CFH: variants seen among roughly 807,000 people sequenced by gnomAD.
The protein encoded by CFH is H factor 1 (complement).
Under a neutral mutation model 147.3 loss-of-function variants are expected in CFH, and 53 were observed. The observed-to-expected ratio is 0.36, with a 90% CI of 0.29 to 0.45. The LOEUF is 0.45. CFH is among the 20% of genes least tolerant of loss of function. The probability of loss-of-function intolerance (pLI) is 1.00; values close to 1 mark genes in which losing one functional copy is unlikely to be tolerated. For missense variants in CFH, 1,380 were observed against 1,498.0 expected, an observed-to-expected ratio of 0.92 and a Z score of 1.30; for synonymous variants, 536 against 489.4, an observed-to-expected ratio of 1.10 and a Z score of -1.26.
chr1:196,722,570 A>C (rs1196093727), intron 11 of CFH, among the ~76,000 whole-genome samples: 1 of 152,132 alleles, frequency 6.6e-6, no homozygotes, highest in Non-Finnish European at 1.5e-5. Flanking sequence ...TGTTTGTAGA[A>C]GTTCATCTCG....
Position 196,713,850 on chromosome 1 carries a change from A to T in CFH, c.1452A>T (p.Ala484=). The T allele has an allele frequency of 6.2e-7, 1 of 1,612,896 alleles. No homozygotes were observed. Among genetic ancestry groups the T allele is most frequent in the Middle Eastern group, 1.7e-4 (1 of 6,048 alleles). ...KYQCKLGYVT[A]DGETSGSITC... is the part of the protein sequence containing the mutation. ...AATGCAAACTAGGATATGTAACAGCAGATGGTGAAACATCAGGATCAATTA... is the reference window on the plus strand; with the variant it reads ...AATGCAAACTAGGATATGTAACAGCTGATGGTGAAACATCAGGATCAATTA... Residue 484 remains alanine (A), a synonymous_variant, in exon 10 of 22, where the codon GCA becomes GCT. Coordinates refer to ENST00000367429, the MANE Select transcript of CFH (RefSeq NM_000186.4).
Position 196,677,715 on chromosome 1 carries a change from T to C in CFH, c.619+48T>C, listed in dbSNP as rs1306146642. 3 of 1,525,716 alleles carry C rather than the reference T, an allele frequency of 2.0e-6. No individual in the cohort carries two copies. In the African/African-American group the frequency reaches 4.1e-5, roughly 21 times the overall value. 94.5% of individuals were successfully genotyped at this position (1,525,716 alleles called of 1,614,324 possible). ...GTATTTTTAGCTTTTTAAATGTAAATATACATTTAAAACATCGTTCATTCT... is the reference window on the plus strand; with the variant it reads ...GTATTTTTAGCTTTTTAAATGTAAACATACATTTAAAACATCGTTCATTCT... On this transcript the variant is annotated intron_variant, in intron 5 of 21. Transcript: ENST00000367429.
At chr1:196,746,117 C>T (rs1652995655) in intron 21 of CFH, 118 bp downstream of exon 21, 3 of 1,557,048 alleles carry the variant, frequency 1.9e-6, no homozygotes, top group African/African-American at 2.7e-5. Flanking sequence ...TGCTTGCCTA[C>T]CAAATATTTC....
At chr1:196,745,468 TC>T in intron 20 of CFH, among the ~76,000 whole-genome samples, 1 of 152,322 alleles carries the variant, frequency 6.6e-6, no homozygotes, top group Admixed American at 6.5e-5. Context: ...GTCATACTTT[TC>T]CATTTTATAA....
At chr1:196,731,151 C>A (rs1669271418) in intron 15 of CFH, among the ~76,000 whole-genome samples, 1 of 151,120 alleles carries the variant, frequency 6.6e-6, no homozygotes, top group African/African-American at 2.4e-5. Flanking sequence ...TTCTTTGTTT[C>A]TTTCTTGCTT....
At chr1:196,744,950 C>A (rs181628384) in intron 20 of CFH, among the ~76,000 whole-genome samples, 214 of 152,170 alleles carry the variant, frequency 1.4e-3, no homozygotes, top group African/African-American at 4.9e-3. Flanking sequence ...TGTAAAAGAT[C>A]GTGTCACTGG....
intron 9 of CFH, among the ~76,000 whole-genome samples, chr1:196,700,649 G>A (rs1183214469): frequency 6.3e-5 from 8 of 127,646 alleles, no homozygotes; most frequent in African/African-American, 9.8e-5. Context: ...TTGAGATTCC[G>A]TCTCAAAAAA....
intron 11 of CFH, among the ~76,000 whole-genome samples, chr1:196,719,710 T>C (rs1668954419): frequency 6.6e-6 from 1 of 151,664 alleles, no homozygotes; most frequent in South Asian, 2.1e-4. Flanking sequence ...TTTTAAAAAT[T>C]ATAAACATGT....
At chr1:196,743,671 A>G in intron 20 of CFH, 43 bp downstream of exon 20, 1 of 1,612,516 alleles carries the variant, frequency 6.2e-7, no homozygotes, top group East Asian at 2.2e-5. Context: ...GGAGTATAGC[A>G]GGGTTAAAAT....
chr1:196,654,616 CT>C (rs1666622379), intron 1 of CFH, among the ~76,000 whole-genome samples: 1 of 152,078 alleles, frequency 6.6e-6, no homozygotes, highest in Admixed American at 6.5e-5. Context: ...GATTTAGGGT[CT>C]AACAATTGTG....
chr1:196,661,036 C>T (rs184491651), intron 1 of CFH, among the ~76,000 whole-genome samples: 3 of 152,116 alleles, frequency 2.0e-5, no homozygotes, highest in Non-Finnish European at 4.4e-5. Context: ...GAAAAACAAA[C>T]ATATCAGCTT....
chr1:196,656,534 C>T (rs1202627156), intron 1 of CFH, among the ~76,000 whole-genome samples: 2 of 152,056 alleles, frequency 1.3e-5, no homozygotes, highest in Non-Finnish European at 2.9e-5. Flanking sequence ...GTCTACTACG[C>T]TTTTTCCACA....
intron 19 of CFH, among the ~76,000 whole-genome samples, chr1:196,742,352 G>A (rs1333211341): frequency 1.3e-5 from 2 of 152,024 alleles, no homozygotes; most frequent in Non-Finnish European, 2.9e-5. Context: ...CTCCACCCAG[G>A]GTGACAGAGT....
At chr1:196,721,506 C>A (rs1668997420) in intron 11 of CFH, among the ~76,000 whole-genome samples, 1 of 151,966 alleles carries the variant, frequency 6.6e-6, no homozygotes, top group Admixed American at 6.6e-5. Flanking sequence ...GTTCCATGCA[C>A]AGGTGAGAAA....
At chr1:196,707,611 C>A (rs1174788524) in intron 9 of CFH, among the ~76,000 whole-genome samples, 1 of 152,110 alleles carries the variant, frequency 6.6e-6, no homozygotes, top group Non-Finnish European at 1.5e-5. Context: ...CTGGATTCAC[C>A]ACAGCCATAT....
rs770830764 is a variant in CFH, at chr1:196,747,206, G to A, written c.3589G>A (p.Val1197Ile). ...GCTTTATTCGAGAACAGGTGAATCA[G>A]TTGAATTTGTGTGTAAACGGGGATA... Reference protein sequence around the residue: ...QKLYSRTGESVEFVCKRGYRL... With the variant: ...QKLYSRTGESIEFVCKRGYRL... Residue 1197 changes from valine (V) to isoleucine (I), a missense_variant, in exon 22 of 22, where the codon GTT (valine) becomes ATT (isoleucine). Physicochemically the swap from Val to Ile is conservative, Grantham distance 29. This residue lies in a region of CFH where 123 missense variants were observed against 185.3 expected (regional missense o/e 0.66). Transcript: ENST00000367429. 1 of 1,613,788 alleles carries A rather than the reference G, an allele frequency of 6.2e-7. No individual in the cohort carries two copies. The highest frequency in any genetic ancestry group is 8.5e-7 in the Non-Finnish European group (1 of 1,179,882).
At chr1:196,689,988 A>T in intron 8 of CFH, 75 bp from the exon 9 acceptor site, 9 of 1,391,712 alleles carry the variant, frequency 6.5e-6, no homozygotes, top group Non-Finnish European at 8.8e-6. Context: ...TTGTAAAAAT[A>T]ATTGTAATAT....
At chr1:196,728,564 A>T in intron 15 of CFH, 42 bp downstream of exon 15, 1 of 1,592,982 alleles carries the variant, frequency 6.3e-7, no homozygotes, top group Non-Finnish European at 8.6e-7. Context: ...TCTATTTCTC[A>T]TTTGGAAAAG....
chr1:196,710,888 A>C (rs1412985248), intron 9 of CFH, among the ~76,000 whole-genome samples: 1 of 152,126 alleles, frequency 6.6e-6, no homozygotes, highest in Non-Finnish European at 1.5e-5. Context: ...GACAGAATTT[A>C]TTAATGCTAC....
Sources: allele counts gnomAD v4.1 joint callset (sites outside exome capture counted in the v4.1 genomes callset), GRCh38; gene constraint gnomAD v4.1.1; regional missense constraint gnomAD v4.1.1; transcripts MANE v1.5; gene names NCBI Gene and HGNC (gene_info 2026-07-23, HGNC 2026-07-21).